MDGA2: variants seen among roughly 807,000 people sequenced by gnomAD.
MDGA2 encodes MAM domain-containing glycosylphosphatidylinositol anchor protein 2.
MDGA2 carries 40 observed loss-of-function variants against 117.8 expected under a neutral mutation model. The ratio of observed to expected loss-of-function variants is 0.34; its 90% CI spans 0.26 to 0.44. The LOEUF (loss-of-function observed/expected upper bound fraction) is 0.44, where lower values mean the gene tolerates loss of function less well. Among genes scored for constraint, MDGA2 ranks in the 20% least tolerant of loss-of-function variants. The probability of loss-of-function intolerance (pLI) is 1.00; values close to 1 mark genes in which losing one functional copy is unlikely to be tolerated. For synonymous variants in MDGA2, 452 were observed against 439.0 expected, an observed-to-expected ratio of 1.03 and a Z score of -0.37; for missense variants, 1,123 against 1,250.6, an observed-to-expected ratio of 0.90 and a Z score of 1.54.
chr14:47,648,482 C>T (rs1287228526), intron 1 of MDGA2, among the ~76,000 whole-genome samples: 2 of 151,996 alleles, frequency 1.3e-5, no homozygotes, highest in Admixed American at 6.6e-5. Context: ...AAGTAGCCTG[C>T]TATATACATA....
At chr14:47,136,944 G>A (rs1882487064) in intron 4 of MDGA2, among the ~76,000 whole-genome samples, 1 of 152,316 alleles carries the variant, frequency 6.6e-6, no homozygotes, top group South Asian at 2.1e-4. Flanking sequence ...ATGGAAAAGA[G>A]AATGTAAAAG....
intron 9 of MDGA2, among the ~76,000 whole-genome samples, chr14:46,934,151 T>C (rs897676994): frequency 1.3e-5 from 2 of 151,990 alleles, no homozygotes; most frequent in African/African-American, 4.8e-5. Context: ...TCATTTATGT[T>C]ATACTTGGAA....
chr14:47,179,084 A>T (rs1227214321), intron 3 of MDGA2, among the ~76,000 whole-genome samples: 3 of 152,094 alleles, frequency 2.0e-5, no homozygotes, highest in Non-Finnish European at 4.4e-5. Context: ...ATTTTAGTTG[A>T]CAACCTACTG....
chr14:47,645,800 C>T (rs1217730890), intron 1 of MDGA2, among the ~76,000 whole-genome samples: 3 of 151,632 alleles, frequency 2.0e-5, no homozygotes, highest in Admixed American at 6.6e-5. Context: ...TGGCTGGGCG[C>T]GGTGGCTCAT....
At chr14:47,587,278 G>A (rs537783585) in intron 1 of MDGA2, among the ~76,000 whole-genome samples, 1 of 151,680 alleles carries the variant, frequency 6.6e-6, no homozygotes, top group Non-Finnish European at 1.5e-5. Context: ...ACCTGCACGT[G>A]TACCCCAGAA....
intron 1 of MDGA2, among the ~76,000 whole-genome samples, chr14:47,478,486 C>T (rs958487591): frequency 8.5e-5 from 13 of 152,116 alleles, no homozygotes; most frequent in African/African-American, 2.9e-4. Context: ...AGTGATCCTC[C>T]CACCTCAGCC....
At chr14:47,663,340 T>C (rs1408719506) in intron 1 of MDGA2, among the ~76,000 whole-genome samples, 2 of 152,184 alleles carry the variant, frequency 1.3e-5, no homozygotes, top group Non-Finnish European at 2.9e-5. Flanking sequence ...TCTTTCACAG[T>C]CCTGAGTAAA....
chr14:47,193,496 G>T (rs562012056), intron 3 of MDGA2, among the ~76,000 whole-genome samples: 1 of 152,212 alleles, frequency 6.6e-6, no homozygotes, highest in Non-Finnish European at 1.5e-5. Flanking sequence ...TGAACTTTCT[G>T]AAGATGTAGA....
chr14:47,372,857 T>G (rs980183431), intron 1 of MDGA2, among the ~76,000 whole-genome samples: 1 of 152,022 alleles, frequency 6.6e-6, no homozygotes, highest in Non-Finnish European at 1.5e-5. Flanking sequence ...TTTATTATAC[T>G]TTTTATTATA....
chr14:46,939,111 G>C (rs921559858), intron 9 of MDGA2, among the ~76,000 whole-genome samples: 2 of 152,096 alleles, frequency 1.3e-5, no homozygotes, highest in South Asian at 2.1e-4. Context: ...GAGCCTGGTG[G>C]GGGGGTAGTT....
intron 9 of MDGA2, among the ~76,000 whole-genome samples, chr14:46,956,369 C>T (rs57431335): frequency 0.12 from 17,860 of 151,610 alleles, 1,977 homozygotes; most frequent in African/African-American, 0.27. Flanking sequence ...ATAAAAATAA[C>T]GTAAATAATT....
chr14:47,074,795 G>A (rs1890430712), intron 6 of MDGA2, among the ~76,000 whole-genome samples: 1 of 152,064 alleles, frequency 6.6e-6, no homozygotes, highest in East Asian at 1.9e-4. Context: ...CTTCTTCACA[G>A]CTTGCTTTTA....
At chr14:46,933,782 T>C (rs1370964025) in intron 9 of MDGA2, among the ~76,000 whole-genome samples, 3 of 140,622 alleles carry the variant, frequency 2.1e-5, no homozygotes, top group Non-Finnish European at 4.6e-5. Context: ...TACAAAGTTC[T>C]ACTGGTTTAT....
intron 2 of MDGA2, among the ~76,000 whole-genome samples, chr14:47,287,322 A>G (rs1371651260): frequency 1.3e-5 from 2 of 152,134 alleles, no homozygotes; most frequent in African/African-American, 4.8e-5. Context: ...AGGGACCACA[A>G]ATATAGTCAG....
At chr14:47,669,474 C>G (rs1335295875) in intron 1 of MDGA2, among the ~76,000 whole-genome samples, 1 of 152,142 alleles carries the variant, frequency 6.6e-6, no homozygotes, top group Non-Finnish European at 1.5e-5. Flanking sequence ...TAGGGGCTTT[C>G]CCAGGGAAAT....
chr14:46,931,487 A>T (rs1735604999), intron 9 of MDGA2, among the ~76,000 whole-genome samples: 1 of 151,130 alleles, frequency 6.6e-6, no homozygotes, highest in South Asian at 2.1e-4. Flanking sequence ...TTTAGAAAAA[A>T]AATGTGTTTC....
At chr14:46,902,977 G>T (rs368761285) in intron 10 of MDGA2, among the ~76,000 whole-genome samples, 1 of 151,284 alleles carries the variant, frequency 6.6e-6, no homozygotes, top group Non-Finnish European at 1.5e-5. Flanking sequence ...ATCTCCCACC[G>T]GCCTACACAC....
At chr14:47,552,952 G>A (rs529785205) in intron 1 of MDGA2, among the ~76,000 whole-genome samples, 5 of 152,178 alleles carry the variant, frequency 3.3e-5, no homozygotes, top group Admixed American at 2.0e-4. Context: ...CCCTGACTTC[G>A]TTCAGATATT....
intron 8 of MDGA2, among the ~76,000 whole-genome samples, chr14:47,013,611 T>C (rs964326824): frequency 6.6e-6 from 1 of 151,514 alleles, no homozygotes; most frequent in African/African-American, 2.4e-5. Flanking sequence ...AGGTTTTTAA[T>C]TTATTTTGCC....
Sources: allele counts gnomAD v4.1 joint callset (sites outside exome capture counted in the v4.1 genomes callset), GRCh38; gene constraint gnomAD v4.1.1; transcripts MANE v1.5; gene names NCBI Gene and HGNC (gene_info 2026-07-23, HGNC 2026-07-21).